The following CHD2 variants were observed in gnomAD, a reference collection of about 807,000 sequenced individuals.
CHD2 encodes ATP-dependent chromatin remodeler CHD2.
A neutral mutation model predicts 243.9 loss-of-function variants in CHD2; 28 were observed. That is an observed-to-expected ratio of 0.11 (90% CI 0.09 to 0.16). The LOEUF is 0.16. Ranked by LOEUF, CHD2 falls within the 10% of genes least tolerant of loss-of-function variation. The pLI is 1.00. For synonymous variants in CHD2, 775 were observed against 779.0 expected (o/e 0.99, Z 0.09); for missense variants, 1,386 against 2,209.8 (o/e 0.63, Z 7.47).
At chr15:93,003,944 T>G (rs559231096) in intron 33 of CHD2, among the ~76,000 whole-genome samples, 1 of 152,052 alleles carries the variant, frequency 6.6e-6, no homozygotes, top group South Asian at 2.1e-4. Flanking sequence ...GACAACATGG[T>G]GAAACCCCGT....
At chr15:92,928,128 G>C (rs749059909) in intron 4 of CHD2, among the ~76,000 whole-genome samples, 2 of 152,226 alleles carry the variant, frequency 1.3e-5, no homozygotes, top group Non-Finnish European at 2.9e-5. Context: ...AGGTCAGTGA[G>C]TTGGGTGTGG....
At chr15:92,988,196 C>T (rs1330152308) in intron 26 of CHD2, among the ~76,000 whole-genome samples, 1 of 152,080 alleles carries the variant, frequency 6.6e-6, no homozygotes, top group Non-Finnish European at 1.5e-5. Context: ...GACTGTCCTG[C>T]CTTAGCCTCC....
rs990979658 is a variant in CHD2 at position 92,968,672 on chromosome 15, A to G, written c.2189+1159A>G. Among the ~76,000 whole-genome samples the G allele has an allele frequency of 2.0e-4, 31 of 152,254 alleles. 1 individual carries two copies. Among genetic ancestry groups the G allele is most frequent in the Non-Finnish European group, 1.5e-5 (1 of 68,054 alleles). ...GAGGAACAGTTCATGTAGGAAAGGC[A>G]GAATAAGATTCTTTTTTACTTTTGC... On this transcript the variant is annotated intron_variant, in intron 17 of 38. Coordinates refer to ENST00000394196, the MANE Select transcript of CHD2 (RefSeq NM_001271.4).
Position 92,930,683 on chromosome 15 carries a change from C to T in CHD2, c.443+1592C>T, listed in dbSNP as rs139132290. Among the ~76,000 whole-genome samples, 831 of 152,266 alleles carry T rather than the reference C, an allele frequency of 5.5e-3. 3 individuals are homozygous for T. The highest frequency in any genetic ancestry group is 8.9e-3 in the Non-Finnish European group (604 of 68,008). On this transcript the variant is annotated intron_variant, in intron 5 of 38. Coordinates refer to ENST00000394196, the MANE Select transcript of CHD2 (RefSeq NM_001271.4). Reference sequence around the variant, plus strand: ...CTGAGCTCAAGCAGTCCTCCAGCCTCGGTCTCCTAGGATTACAGGTGTGAG... The same window carrying T: ...CTGAGCTCAAGCAGTCCTCCAGCCTTGGTCTCCTAGGATTACAGGTGTGAG...
chr15:92,940,283 G>C (rs2053338505), intron 7 of CHD2, among the ~76,000 whole-genome samples: 2 of 152,064 alleles, frequency 1.3e-5, no homozygotes, highest in Admixed American at 1.3e-4. Context: ...GCGAGACCCT[G>C]TCTCTACAAA....
Position 92,997,218 on chromosome 15 carries a change from C to G in CHD2, c.3735-35C>G. The G allele has an allele frequency of 6.2e-7, 1 of 1,613,234 alleles. No homozygotes were observed. ...TCTTTAACATACCAAAAAGGCCCCTCTTCTAATGTCTTCCTGTTTTTAAAC... is the reference window on the plus strand; with the variant it reads ...TCTTTAACATACCAAAAAGGCCCCTGTTCTAATGTCTTCCTGTTTTTAAAC... On this transcript the variant is annotated intron_variant, in intron 29 of 38. Transcript: ENST00000394196. This position sits in a 1 kb window ranked among gnomAD's most constrained non-coding sequence, Gnocchi z 4.1.
chr15:92,968,816 T>C (rs2053801586), intron 17 of CHD2, among the ~76,000 whole-genome samples: 1 of 152,236 alleles, frequency 6.6e-6, no homozygotes, highest in Admixed American at 6.5e-5. Context: ...GGAGTTAATA[T>C]CCATATTCAT....
Position 93,009,350 on chromosome 15 carries a change from G to A in CHD2, c.4592+27G>A, listed in dbSNP as rs766052285. On this transcript the variant is annotated intron_variant, in intron 35 of 38. Coordinates refer to ENST00000394196, the MANE Select transcript of CHD2 (RefSeq NM_001271.4). ...TAACCACTTTGGCCTCGTCTGCCCA[G>A]TTTGATTTGACTGAGTGTGGGAGTG... The A allele has an allele frequency of 3.6e-5, 58 of 1,601,698 alleles. No homozygotes were observed. The East Asian group carries it at 1.3e-3, about 35-fold the overall frequency.
intron 37 of CHD2, 139 bp downstream of exon 37, chr15:93,015,048 G>A (rs761017834): frequency 1.4e-6 from 1 of 712,928 alleles, no homozygotes; most frequent in Non-Finnish European, 2.3e-6. Context: ...TTTTCTTAAT[G>A]AGAGAAAGCA....
chr15:92,981,777 TC>T (rs2053983521), intron 24 of CHD2, among the ~76,000 whole-genome samples: 1 of 152,008 alleles, frequency 6.6e-6, no homozygotes, highest in African/African-American at 2.4e-5. Flanking sequence ...CGTCAATAGA[TC>T]AGATGCCAAA....
chr15:92,981,235 A>G (rs1596432286), intron 23 of CHD2, 130 bp from the exon 24 acceptor site: 3 of 632,000 alleles, frequency 4.7e-6, no homozygotes, highest in Non-Finnish European at 8.4e-6. Flanking sequence ...CTGAAAGTAA[A>G]TGAAATATCA....
chr15:92,954,643 C>G (rs896699795), intron 14 of CHD2, among the ~76,000 whole-genome samples: 1 of 152,152 alleles, frequency 6.6e-6, no homozygotes, highest in Non-Finnish European at 1.5e-5. Flanking sequence ...TACAAAATAG[C>G]GTAAAGCACT....
chr15:92,988,461 TACTC>T (rs2054073607), intron 26 of CHD2, among the ~76,000 whole-genome samples: 1 of 152,212 alleles, frequency 6.6e-6, no homozygotes, highest in African/African-American at 2.4e-5. Flanking sequence ...TATATTTACT[TACTC>T]TATTATTCCA....
At chr15:92,935,932 A>T (rs78744028) in intron 5 of CHD2, among the ~76,000 whole-genome samples, 1 of 145,794 alleles carries the variant, frequency 6.9e-6, no homozygotes, top group African/African-American at 2.5e-5. Flanking sequence ...TCTTTCATTG[A>T]TTTTTTTTTT....
At chr15:93,007,306 G>A (rs992833354) in intron 34 of CHD2, among the ~76,000 whole-genome samples, 2 of 152,048 alleles carry the variant, frequency 1.3e-5, no homozygotes. Context: ...ATATTTTAGT[G>A]GTCATTCATG....
At chr15:92,929,811 G>T (rs553021105) in intron 5 of CHD2, among the ~76,000 whole-genome samples, 2 of 151,986 alleles carry the variant, frequency 1.3e-5, no homozygotes, top group South Asian at 4.1e-4. Flanking sequence ...GTTGTCCATG[G>T]CTTCTATTAA....
At chr15:93,000,265 C>CG (rs2054237508) in intron 31 of CHD2, among the ~76,000 whole-genome samples, 1 of 150,612 alleles carries the variant, frequency 6.6e-6, no homozygotes, top group African/African-American at 2.5e-5. Context: ...GACTCCATCT[C>CG]GGAAAAAAAA....
intron 34 of CHD2, among the ~76,000 whole-genome samples, chr15:93,008,483 A>G (rs1335644219): frequency 6.6e-6 from 1 of 151,966 alleles, no homozygotes; most frequent in East Asian, 1.9e-4. Flanking sequence ...CGTTGGGGGA[A>G]TTTTGCCGTG....
At chr15:92,929,217 G>C in intron 5 of CHD2, 126 bp downstream of exon 5, 2 of 823,754 alleles carry the variant, frequency 2.4e-6, no homozygotes, top group South Asian at 3.5e-5. Context: ...TCTCTTACTA[G>C]CTCGGGTGAC....
Sources: allele counts gnomAD v4.1 joint callset (sites outside exome capture counted in the v4.1 genomes callset), GRCh38; gene constraint gnomAD v4.1.1; non-coding constraint Gnocchi (gnomAD v3.1); transcripts MANE v1.5; gene names NCBI Gene and HGNC (gene_info 2026-07-23, HGNC 2026-07-21).